BTBD9: variants seen among roughly 807,000 people sequenced by gnomAD.
BTBD9 encodes the protein BTB domain containing 9.
In BTBD9, 49 loss-of-function variants were observed where a neutral mutation model predicts 64.3. That is an observed-to-expected ratio of 0.76 (90% CI 0.61 to 0.97). The LOEUF (loss-of-function observed/expected upper bound fraction) is 0.97. Ranked by LOEUF, BTBD9 falls within the 50% of genes least tolerant of loss-of-function variation. The probability of loss-of-function intolerance (pLI) is 0.00; values close to 1 mark genes in which losing one functional copy is unlikely to be tolerated. For missense variants in BTBD9, 598 were observed against 762.1 expected (o/e 0.78, Z 2.53); for synonymous variants, 260 against 274.7 (o/e 0.95, Z 0.53).
intron 6 of BTBD9, among the ~76,000 whole-genome samples, chr6:38,470,576 G>A (rs1770606348): frequency 6.6e-6 from 1 of 152,208 alleles, no homozygotes; most frequent in Non-Finnish European, 1.5e-5. Flanking sequence ...ATTTATCCTA[G>A]TGATCTACTG....
At chr6:38,376,613 A>C (rs1765704515) in intron 6 of BTBD9, among the ~76,000 whole-genome samples, 1 of 152,220 alleles carries the variant, frequency 6.6e-6, no homozygotes, top group Non-Finnish European at 1.5e-5. Flanking sequence ...CTTTCTGATA[A>C]AAGAGAAATC....
chr6:38,354,994 T>C (rs1441532715), intron 6 of BTBD9, among the ~76,000 whole-genome samples: 1 of 152,138 alleles, frequency 6.6e-6, no homozygotes, highest in East Asian at 1.9e-4. Context: ...ATATGTATAA[T>C]ACACTATCCC....
At chr6:38,545,057 T>C (rs564608766) in intron 6 of BTBD9, among the ~76,000 whole-genome samples, 50 of 152,036 alleles carry the variant, frequency 3.3e-4, no homozygotes, top group African/African-American at 1.1e-3. Flanking sequence ...AGTTTGACTT[T>C]TACCCTGAGA....
chr6:38,614,903 T>G (rs528141511), intron 1 of BTBD9, among the ~76,000 whole-genome samples: 3 of 152,278 alleles, frequency 2.0e-5, no homozygotes, highest in Non-Finnish European at 4.4e-5. Context: ...GTATAAACCA[T>G]TTCCCTCATC....
chr6:38,368,592 C>T (rs1765284359), intron 6 of BTBD9, among the ~76,000 whole-genome samples: 1 of 152,162 alleles, frequency 6.6e-6, no homozygotes, highest in African/African-American at 2.4e-5. Context: ...CTCAGCCTCC[C>T]AAAGTGCTAG....
At chr6:38,518,766 A>G (rs1014986274) in intron 6 of BTBD9, among the ~76,000 whole-genome samples, 7 of 152,222 alleles carry the variant, frequency 4.6e-5, no homozygotes, top group African/African-American at 1.7e-4. Context: ...CACCTTTACT[A>G]ACTGCATAAA....
At chr6:38,351,537 T>C (rs1367050598) in intron 6 of BTBD9, among the ~76,000 whole-genome samples, 1 of 114,954 alleles carries the variant, frequency 8.7e-6, no homozygotes. Flanking sequence ...TGAGATGGAG[T>C]CTCACTTTAT....
chr6:38,361,986 C>A (rs1260806496), intron 6 of BTBD9, among the ~76,000 whole-genome samples: 1 of 152,104 alleles, frequency 6.6e-6, no homozygotes, highest in East Asian at 1.9e-4. Flanking sequence ...GTAGAGGACC[C>A]AACACACCTC....
intron 6 of BTBD9, among the ~76,000 whole-genome samples, chr6:38,433,927 A>C (rs552078070): frequency 6.6e-6 from 1 of 152,072 alleles, no homozygotes; most frequent in African/African-American, 2.4e-5. Context: ...ATTTGCTGAA[A>C]GTGAGGACTA....
At chr6:38,425,392 G>A (rs113475007) in intron 6 of BTBD9, among the ~76,000 whole-genome samples, 2 of 151,722 alleles carry the variant, frequency 1.3e-5, no homozygotes, top group Non-Finnish European at 2.9e-5. Flanking sequence ...CTACTCAGGC[G>A]GCATAAGTCA....
chr6:38,402,204 A>G (rs1248306765), intron 6 of BTBD9, among the ~76,000 whole-genome samples: 2 of 152,218 alleles, frequency 1.3e-5, no homozygotes, highest in East Asian at 3.8e-4. Flanking sequence ...AGTCCTAAAT[A>G]AATGGAAAGA....
At chr6:38,391,792 A>C (rs1204207630) in intron 6 of BTBD9, among the ~76,000 whole-genome samples, 2 of 152,158 alleles carry the variant, frequency 1.3e-5, no homozygotes, top group Non-Finnish European at 2.9e-5. Context: ...GTAAAGCGAA[A>C]AGGCAGGTGG....
In BTBD9 at chr6:38,434,457, C is replaced by G. The variant is rs988957598; in HGVS notation, c.1155-89364G>C. On this transcript the variant is annotated intron_variant, in intron 6 of 10. Coordinates refer to ENST00000481247, the MANE Select transcript of BTBD9 (RefSeq NM_001099272.2). ...TATAGCCTGAAACACCTCCCAGCCC[C>G]GCTTTGAGTTGTCCCACCTTTCTGG... Among the ~76,000 whole-genome samples, 4 of 151,902 alleles carry G rather than the reference C, an allele frequency of 2.6e-5. 1 individual carries two copies. The highest frequency in any genetic ancestry group is 9.7e-5 in the African/African-American group (4 of 41,180).
In BTBD9 at chr6:38,184,916, T is replaced by C. The variant is rs969325984; in HGVS notation, c.1641+7603A>G. Among the ~76,000 whole-genome samples the C allele has an allele frequency of 6.6e-6, 1 of 152,276 alleles. No homozygotes were observed. The highest frequency in any genetic ancestry group is 2.4e-5 in the African/African-American group (1 of 41,564). ...ATAAATTCTGCCTCACTCCAGGCCC[T>C]GAGCCGAGTGGTCCTGGAGGGCAGC... is the stretch of plus-strand genomic sequence containing the variant. On this transcript the variant is annotated intron_variant, in intron 10 of 10. Coordinates refer to ENST00000481247, the MANE Select transcript of BTBD9 (RefSeq NM_001099272.2). This position sits in a 1 kb window ranked among gnomAD's most constrained non-coding sequence, Gnocchi z 4.4.
chr6:38,574,241 A>G (rs1775924840), intron 6 of BTBD9, among the ~76,000 whole-genome samples: 1 of 152,204 alleles, frequency 6.6e-6, no homozygotes, highest in South Asian at 2.1e-4. Flanking sequence ...GCCATTAGAT[A>G]ACATCGACTA....
At chr6:38,383,988 C>T (rs956040630) in intron 6 of BTBD9, among the ~76,000 whole-genome samples, 1 of 151,916 alleles carries the variant, frequency 6.6e-6, no homozygotes, top group Non-Finnish European at 1.5e-5. Flanking sequence ...CATGGGAATA[C>T]GCACTCCTCC....
At chr6:38,178,582 C>T (rs982216508) in intron 10 of BTBD9, among the ~76,000 whole-genome samples, 1 of 152,008 alleles carries the variant, frequency 6.6e-6, no homozygotes, top group African/African-American at 2.4e-5. Context: ...GGAAGGCTTC[C>T]TGGGGGAGGA....
intron 8 of BTBD9, among the ~76,000 whole-genome samples, chr6:38,262,462 G>A (rs1455809992): frequency 6.6e-6 from 1 of 151,064 alleles, no homozygotes; most frequent in African/African-American, 2.5e-5. Context: ...AAGCAGTGAA[G>A]TGCTGGGCTT....
At chr6:38,596,029 T>C in intron 2 of BTBD9, 5 of 985,442 alleles carry the variant, frequency 5.1e-6, no homozygotes, top group Non-Finnish European at 6.0e-6. Flanking sequence ...AGAGGTTCAA[T>C]GTTTACTATG....
Sources: gnomAD v4.1 joint callset for allele counts (sites outside exome capture counted in the v4.1 genomes callset) on GRCh38, gnomAD v4.1.1 for gene constraint, Gnocchi (gnomAD v3.1) non-coding constraint, MANE v1.5 for transcripts, NCBI Gene and HGNC (gene_info 2026-07-23, HGNC 2026-07-21) for gene names.